SPAG16: variants seen among roughly 807,000 people sequenced by gnomAD.
SPAG16 encodes the protein sperm associated antigen 16.
Under a neutral mutation model 80.4 loss-of-function variants are expected in SPAG16, and 86 were observed. The ratio of observed to expected loss-of-function variants is 1.07; its 90% CI spans 0.90 to 1.28. SPAG16 has a LOEUF of 1.28. Among genes scored for constraint, SPAG16 ranks in the 50% most tolerant of loss-of-function variants. The probability of loss-of-function intolerance (pLI) is 0.00; values close to 1 mark genes in which losing one functional copy is unlikely to be tolerated. For synonymous variants in SPAG16, 294 were observed against 265.9 expected (o/e 1.11, Z -1.03); for missense variants, 870 against 765.3 (o/e 1.14, Z -1.61).
intron 12 of SPAG16, among the ~76,000 whole-genome samples, chr2:213,942,389 C>T (rs2079242940): frequency 6.6e-6 from 1 of 152,166 alleles, no homozygotes; most frequent in Admixed American, 6.5e-5. Flanking sequence ...TAACACTCTC[C>T]CCACTCACTT....
At chr2:213,979,060 T>C (rs756743095) in intron 12 of SPAG16, among the ~76,000 whole-genome samples, 13 of 151,960 alleles carry the variant, frequency 8.6e-5, no homozygotes, top group Non-Finnish European at 1.6e-4. Context: ...GAAATGAACA[T>C]ACCATCACTT....
chr2:213,670,217 C>T (rs1017854310), intron 10 of SPAG16, among the ~76,000 whole-genome samples: 8 of 151,826 alleles, frequency 5.3e-5, no homozygotes, highest in African/African-American at 1.5e-4. Flanking sequence ...AGGATGGTCT[C>T]GATCTCCTGA....
chr2:213,307,417 C>T (rs1309552571), intron 3 of SPAG16, among the ~76,000 whole-genome samples: 6 of 140,056 alleles, frequency 4.3e-5, no homozygotes, highest in Admixed American at 3.0e-4. Flanking sequence ...CATGTGTTCT[C>T]ATTGTTCAGT....
intron 13 of SPAG16, among the ~76,000 whole-genome samples, chr2:214,050,323 C>T (rs1575979520): frequency 6.6e-6 from 1 of 151,636 alleles, no homozygotes; most frequent in African/African-American, 2.4e-5. Flanking sequence ...GTTTATCTTG[C>T]GGATCCCAGG....
At chr2:213,411,087 TGTG>T (rs111614316) in intron 9 of SPAG16, among the ~76,000 whole-genome samples, 2,190 of 152,274 alleles carry the variant, frequency 0.014, 46 homozygotes, top group African/African-American at 0.049. Context: ...GTGGTGGTAT[TGTG>T]GTGGACCTTT....
chr2:214,045,237 G>A (rs1252638328), intron 13 of SPAG16, among the ~76,000 whole-genome samples: 1 of 152,168 alleles, frequency 6.6e-6, no homozygotes, highest in Non-Finnish European at 1.5e-5. Context: ...AGAGTTGTGA[G>A]ACCTCCTTTC....
intron 15 of SPAG16, among the ~76,000 whole-genome samples, chr2:214,215,499 C>T (rs761894887): frequency 1.3e-5 from 2 of 152,192 alleles, no homozygotes; most frequent in African/African-American, 4.8e-5. Context: ...CTCCCCAGTG[C>T]AACATTATCT....
At position 213,462,852 on chromosome 2, in the gene SPAG16, C is replaced by T. The variant is rs139092557; in HGVS notation, c.943-27111C>T. On this transcript the variant is annotated intron_variant, in intron 9 of 15. Transcript: ENST00000331683. ...GGACTAATGGACTAATACAGTAAATCGGTACCACAGAGAGTGGGTGCTGCT... is the reference window on the plus strand; with the variant it reads ...GGACTAATGGACTAATACAGTAAATTGGTACCACAGAGAGTGGGTGCTGCT... Among the ~76,000 whole-genome samples the T allele has an allele frequency of 5.2e-3, 795 of 152,200 alleles. 5 individuals carry two copies. The highest frequency in any genetic ancestry group is 0.012 in the Admixed American group (181 of 15,284).
intron 14 of SPAG16, among the ~76,000 whole-genome samples, chr2:214,112,242 A>G (rs2053702584): frequency 1.3e-5 from 2 of 152,140 alleles, no homozygotes; most frequent in African/African-American, 2.4e-5. Flanking sequence ...TATGTGGTCC[A>G]TTTTAGAATA....
chr2:213,928,904 TACAC>T (rs71063798), intron 11 of SPAG16, among the ~76,000 whole-genome samples: 3,770 of 143,014 alleles, frequency 0.026, 76 homozygotes, highest in East Asian at 0.1. Context: ...CAGCTGATGT[TACAC>T]ACACACACAC....
At chr2:213,659,344 A>G (rs759595415) in intron 10 of SPAG16, among the ~76,000 whole-genome samples, 13 of 151,934 alleles carry the variant, frequency 8.6e-5, no homozygotes, top group Admixed American at 7.9e-4. Context: ...AAAAAAAAAA[A>G]AAAGAAAAGA....
intron 11 of SPAG16, among the ~76,000 whole-genome samples, chr2:213,925,963 TTTC>T (rs1338388024): frequency 6.6e-6 from 1 of 152,108 alleles, no homozygotes; most frequent in Admixed American, 6.5e-5. Context: ...TAAGTAAAAA[TTTC>T]TTTTTATTGA....
At position 214,359,930 on chromosome 2, in the gene SPAG16, A is replaced by T. The variant is rs1699075320; in HGVS notation, c.1721-50210A>T. Among the ~76,000 whole-genome samples the T allele has an allele frequency of 2.0e-5, 3 of 151,942 alleles. No individual in the cohort carries two copies. The South Asian group carries it at 6.2e-4, about 32-fold the overall frequency. On this transcript the variant is annotated intron_variant, in intron 15 of 15. Transcript: ENST00000331683. ...GACTTGGTTACAGTCCCTCTGAGAG[A>T]GAAGATTTAGTCTACAATTGGCTTA...
intron 10 of SPAG16, among the ~76,000 whole-genome samples, chr2:213,578,749 A>AT (rs894740741): frequency 2.0e-5 from 3 of 151,956 alleles, no homozygotes; most frequent in South Asian, 2.1e-4. Context: ...AAAGACAACT[A>AT]TTTTTTTTCT....
intron 10 of SPAG16, among the ~76,000 whole-genome samples, chr2:213,649,352 G>A (rs2125140635): frequency 6.6e-6 from 1 of 152,284 alleles, no homozygotes; most frequent in Non-Finnish European, 1.5e-5. Context: ...TCTGGAGAAA[G>A]GTTATACAAT....
intron 15 of SPAG16, among the ~76,000 whole-genome samples, chr2:214,364,246 T>A (rs1699346356): frequency 6.6e-6 from 1 of 152,044 alleles, no homozygotes; most frequent in Non-Finnish European, 1.5e-5. Context: ...AGATTCTCAA[T>A]AAATATTTGT....
At chr2:213,359,090 T>C (rs1575351800) in intron 7 of SPAG16, among the ~76,000 whole-genome samples, 1 of 152,220 alleles carries the variant, frequency 6.6e-6, no homozygotes, top group Non-Finnish European at 1.5e-5. Flanking sequence ...GCAGAGGCTG[T>C]AGAACAGCAA....
chr2:213,551,808 C>G (rs2076788225), intron 10 of SPAG16, among the ~76,000 whole-genome samples: 1 of 152,130 alleles, frequency 6.6e-6, no homozygotes, highest in African/African-American at 2.4e-5. Flanking sequence ...GACCTGAATA[C>G]CATTTTGAAG....
intron 10 of SPAG16, among the ~76,000 whole-genome samples, chr2:213,836,694 C>T (rs937646209): frequency 2.0e-5 from 3 of 152,096 alleles, no homozygotes; most frequent in East Asian, 1.9e-4. Flanking sequence ...CTCCTGCAAC[C>T]TCTGCCTCCC....
Sources: gnomAD v4.1 joint callset for allele counts (sites outside exome capture counted in the v4.1 genomes callset) on GRCh38, gnomAD v4.1.1 for gene constraint, MANE v1.5 for transcripts, NCBI Gene and HGNC (gene_info 2026-07-23, HGNC 2026-07-21) for gene names.